XKR4: variants seen among roughly 807,000 people sequenced by gnomAD.
The protein encoded by XKR4 is XK-related protein 4.
XKR4 carries 12 observed loss-of-function variants against 53.9 expected under a neutral mutation model. That is an observed-to-expected ratio of 0.22 (90% CI 0.14 to 0.36). The LOEUF is 0.36. Ranked by LOEUF, XKR4 falls within the 10% of genes least tolerant of loss-of-function variation. XKR4 has a pLI of 1.00. For synonymous variants in XKR4, 354 were observed against 362.4 expected, an observed-to-expected ratio of 0.98 and a Z score of 0.26; for missense variants, 799 against 859.5, an observed-to-expected ratio of 0.93 and a Z score of 0.88.
At chr8:55,430,602 G>C (rs184467315) in intron 2 of XKR4, among the ~76,000 whole-genome samples, 1 of 152,204 alleles carries the variant, frequency 6.6e-6, no homozygotes, top group Non-Finnish European at 1.5e-5. Flanking sequence ...TACTCCAGCT[G>C]TGCTATCCTA....
At chr8:55,368,575 C>A (rs940033115) in intron 2 of XKR4, among the ~76,000 whole-genome samples, 1 of 152,216 alleles carries the variant, frequency 6.6e-6, no homozygotes, top group Non-Finnish European at 1.5e-5. Context: ...CTAAAACACA[C>A]AGCTCTCCCC....
At chr8:55,329,832 C>T (rs1803357920) in intron 1 of XKR4, among the ~76,000 whole-genome samples, 1 of 152,182 alleles carries the variant, frequency 6.6e-6, no homozygotes, top group East Asian at 1.9e-4. Context: ...CTACCAAAAG[C>T]ACAATCACCC....
chr8:55,468,137 G>A (rs749832860), intron 2 of XKR4, among the ~76,000 whole-genome samples: 2 of 152,050 alleles, frequency 1.3e-5, no homozygotes, highest in Non-Finnish European at 2.9e-5. Flanking sequence ...GTACAAAGAT[G>A]TTTCTCATAA....
At chr8:55,519,183 G>T (rs139077893) in intron 2 of XKR4, among the ~76,000 whole-genome samples, 4 of 152,062 alleles carry the variant, frequency 2.6e-5, no homozygotes, top group Non-Finnish European at 4.4e-5. Context: ...AAGCTCTAAG[G>T]TCTTATCACC....
chr8:55,348,700 A>G (rs1803686547), intron 1 of XKR4, among the ~76,000 whole-genome samples: 1 of 151,918 alleles, frequency 6.6e-6, no homozygotes, highest in East Asian at 1.9e-4. Flanking sequence ...ATACACACAC[A>G]CACACACACA....
intron 1 of XKR4, among the ~76,000 whole-genome samples, chr8:55,133,089 T>C (rs1029937601): frequency 1.6e-4 from 24 of 152,138 alleles, no homozygotes; most frequent in African/African-American, 5.5e-4. Flanking sequence ...AATGCATTTT[T>C]GCCTGAGCAA....
intron 1 of XKR4, among the ~76,000 whole-genome samples, chr8:55,194,209 T>G (rs995459228): frequency 6.6e-6 from 1 of 152,140 alleles, no homozygotes; most frequent in African/African-American, 2.4e-5. Context: ...TCCTGCAAAT[T>G]GAGAGTGTGG....
chr8:55,187,313 A>AAAAG (rs1450350432), intron 1 of XKR4, among the ~76,000 whole-genome samples: 1 of 151,416 alleles, frequency 6.6e-6, no homozygotes, highest in Non-Finnish European at 1.5e-5. Flanking sequence ...ACCAAAAAAA[A>AAAAG]AAAAAAAAAA....
intron 2 of XKR4, among the ~76,000 whole-genome samples, chr8:55,506,883 G>A (rs1806532964): frequency 6.6e-6 from 1 of 152,122 alleles, no homozygotes; most frequent in South Asian, 2.1e-4. Flanking sequence ...TATTCCACAA[G>A]GACAATTACT....
chr8:55,299,322 A>G (rs1422662575), intron 1 of XKR4, among the ~76,000 whole-genome samples: 1 of 152,172 alleles, frequency 6.6e-6, no homozygotes, highest in Non-Finnish European at 1.5e-5. Context: ...AGCTTGTCAC[A>G]GATGAGGAAA....
At chr8:55,427,208 G>A (rs577163031) in intron 2 of XKR4, among the ~76,000 whole-genome samples, 5 of 152,100 alleles carry the variant, frequency 3.3e-5, no homozygotes, top group South Asian at 4.1e-4. Context: ...TAGAATAGAC[G>A]TCCAATAACT....
rs996619411 is a variant in XKR4 at position 55,217,166 on chromosome 8, C to T, written c.806+113872C>T. Among the ~76,000 whole-genome samples the T allele has an allele frequency of 8.4e-5, 12 of 142,938 alleles. No individual in the cohort carries two copies. The East Asian group carries it at 2.3e-3, about 27-fold the overall frequency. 93.8% of individuals were successfully genotyped at this position (142,938 alleles called of 152,430 possible). A position where few individuals can be genotyped will look rare whatever the true frequency, so the allele number is the denominator to read the frequency against. On this transcript the variant is annotated intron_variant, in intron 1 of 2. Coordinates refer to ENST00000327381, the MANE Select transcript of XKR4 (RefSeq NM_052898.2). Reference sequence around the variant, plus strand: ...CTGAGCCAGGAGAATGGCATGAACCCGGGAGGCAGAGCTTGCAGTGAGCCA... The same window carrying T: ...CTGAGCCAGGAGAATGGCATGAACCTGGGAGGCAGAGCTTGCAGTGAGCCA...
In XKR4 at chr8:55,499,021, G is replaced by C. The variant is rs1195004138; in HGVS notation, c.1007-24260G>C. ...GGCCGTAAATAAAGCCAATTTATCT[G>C]CTGACATTTCAATCAAACATAAGAT... On this transcript the variant is annotated intron_variant, in intron 2 of 2. Transcript: ENST00000327381. Among the ~76,000 whole-genome samples, 10 of 152,210 alleles carry C rather than the reference G, an allele frequency of 6.6e-5. 1 individual carries two copies. Among genetic ancestry groups the C allele is most frequent in the Non-Finnish European group, 8.8e-5 (6 of 68,044 alleles).
At chr8:55,416,742 G>A (rs1804858651) in intron 2 of XKR4, among the ~76,000 whole-genome samples, 1 of 152,162 alleles carries the variant, frequency 6.6e-6, no homozygotes, top group Non-Finnish European at 1.5e-5. Context: ...CTAGCCAAAA[G>A]CTTCCAATCT....
chr8:55,406,786 A>C (rs1804691193), intron 2 of XKR4, among the ~76,000 whole-genome samples: 1 of 152,252 alleles, frequency 6.6e-6, no homozygotes, highest in Non-Finnish European at 1.5e-5. Flanking sequence ...TATCTGATGC[A>C]TATGAATCAC....
chr8:55,388,949 C>A (rs984282837), intron 2 of XKR4, among the ~76,000 whole-genome samples: 1 of 151,982 alleles, frequency 6.6e-6, no homozygotes, highest in African/African-American at 2.4e-5. Context: ...CAGAATGGGA[C>A]CTTATTCACA....
chr8:55,519,839 G>A (rs191001491), intron 2 of XKR4, among the ~76,000 whole-genome samples: 6 of 152,262 alleles, frequency 3.9e-5, no homozygotes, highest in Admixed American at 1.3e-4. Context: ...GCATTTAATC[G>A]CAAATGGGTG....
chr8:55,140,165 TGA>T (rs1176596916), intron 1 of XKR4: 1 of 434,890 alleles, frequency 2.3e-6, no homozygotes. Context: ...GTATCTTGAC[TGA>T]GTGTCTTTTC....
At chr8:55,513,130 A>G (rs1339623542) in intron 2 of XKR4, among the ~76,000 whole-genome samples, 2 of 152,118 alleles carry the variant, frequency 1.3e-5, no homozygotes, top group African/African-American at 4.8e-5. Flanking sequence ...GCCCCCTTCC[A>G]AGTCCACGAA....
Sources: gnomAD v4.1 joint callset for allele counts (sites outside exome capture counted in the v4.1 genomes callset) on GRCh38, gnomAD v4.1.1 for gene constraint, MANE v1.5 for transcripts, NCBI Gene and HGNC (gene_info 2026-07-23, HGNC 2026-07-21) for gene names.